The following HECTD3 variants were observed in gnomAD, a reference collection of about 807,000 sequenced individuals.
HECTD3 encodes E3 ubiquitin-protein ligase HECTD3.
A neutral mutation model predicts 109.3 loss-of-function variants in HECTD3; 72 were observed. That is an observed-to-expected ratio of 0.66 (90% CI 0.54 to 0.80). HECTD3 has a LOEUF of 0.80. Among genes scored for constraint, HECTD3 ranks in the 30% least tolerant of loss-of-function variants. The pLI, the probability that HECTD3 is intolerant of heterozygous loss-of-function variation, is 0.00. For synonymous variants in HECTD3, 481 were observed against 471.8 expected, an observed-to-expected ratio of 1.02 and a Z score of -0.25; for missense variants, 1,041 against 1,165.2, an observed-to-expected ratio of 0.89 and a Z score of 1.55.
chr1:45,007,057 G>A (rs1644741838), intron 11 of HECTD3, 42 bp from the exon 12 acceptor site: 1 of 1,608,308 alleles, frequency 6.2e-7, no homozygotes, highest in Non-Finnish European at 8.5e-7. Context: ...GTGGGGCCAG[G>A]TGCAGCACAA....
In HECTD3 at chr1:45,006,014, G is replaced by A. The variant is rs775383501; in HGVS notation, c.1828C>T (p.Arg610Trp). ...WIGQLMGAALRGKEFLVLALP... is the reference protein window; with the variant it reads ...WIGQLMGAALWGKEFLVLALP... The stretch of plus-strand genomic sequence containing the variant: ...CTACTCACCAGGAACTCCTTACCCC[G>A]AAGGGCAGCCCCCATCAGCTGTCCG... Residue 610 changes from arginine (R) to tryptophan (W), a missense_variant, in exon 14 of 21, where the codon CGG becomes TGG. Around this residue, in one of 2 missense-constraint regions of HECTD3, gnomAD observed 569 missense variants for 715.3 expected, o/e 0.80. Coordinates refer to ENST00000372172, the MANE Select transcript of HECTD3 (RefSeq NM_024602.6). This position sits in a 1 kb window ranked among gnomAD's most constrained non-coding sequence, Gnocchi z 4.7. 4 of 1,614,058 alleles carry A rather than the reference G, an allele frequency of 2.5e-6. No individual in the cohort carries two copies. The South Asian group carries it at 3.3e-5, about 13-fold the overall frequency.
rs1644704741 is a variant in HECTD3 at position 45,003,098 on chromosome 1, G to A, written c.*394C>T. 2 of 203,136 alleles carry A rather than the reference G, an allele frequency of 9.8e-6. No homozygotes were observed. The highest frequency in any genetic ancestry group is 1.9e-4 in the South Asian group (2 of 10,396). The allele number at this position is 203,136 out of a possible 1,614,324, so 12.6% of individuals were successfully genotyped here. On this transcript the variant is annotated 3_prime_UTR_variant, in exon 21 of 21. Coordinates refer to ENST00000372172, the MANE Select transcript of HECTD3 (RefSeq NM_024602.6). The surrounding 1 kb of genome is among the most constrained non-coding windows in gnomAD (Gnocchi z 4.7). ...CCTCCAGTGTTTTATGTTTTTAGTT[G>A]TGAGTCATGGCTGAAGAAAGCCAGA...
At chr1:45,010,860 T>C (rs758520526) in intron 1 of HECTD3, 29 bp downstream of exon 1, 9 of 1,507,948 alleles carry the variant, frequency 6.0e-6, no homozygotes, top group Non-Finnish European at 7.0e-6. Flanking sequence ...AGGGGTCTTT[T>C]ACCGGGTCCT....
At position 45,003,722 on chromosome 1, in the gene HECTD3, C is replaced by T. The variant is rs367834060; in HGVS notation, c.2448G>A (p.Ala816=). 1.9e-5 allele frequency: 30 copies of T among 1,613,862 alleles called. No individual in the cohort carries two copies. In the Middle Eastern group the frequency reaches 1.2e-3, roughly 62 times the overall value. The change falls in exon 20 of 21, where the codon GCG becomes GCA. Residue 816 remains alanine, a synonymous_variant. Transcript: ENST00000372172. The surrounding 1 kb of genome is among the most constrained non-coding windows in gnomAD (Gnocchi z 4.7). ...TGGAGCAAGTGGAAGACTCGGGCAG[C>T]GCGTCTGTGGTCTCGTAGCTGGGGG... ...PDKLGYETTD[A]LPESSTCSST... is the part of the protein sequence containing the mutation.
intron 9 of HECTD3, 58 bp downstream of exon 9, chr1:45,008,182 A>G: frequency 7.3e-7 from 1 of 1,366,740 alleles, no homozygotes; most frequent in Non-Finnish European, 1.0e-6. Context: ...TAAGGAATGA[A>G]CAACTACGTG....
chr1:45,007,001 T>A lies in HECTD3; in HGVS notation c.1571A>T (p.Tyr524Phe). 2 of 1,614,114 alleles carry A rather than the reference T, an allele frequency of 1.2e-6. No homozygotes were observed. Among genetic ancestry groups the A allele is most frequent in the Admixed American group, 1.7e-5 (1 of 60,024 alleles). The change falls in exon 12 of 21, where the codon TAT (tyrosine) becomes TTT (phenylalanine). Residue 524 changes from tyrosine to phenylalanine, a missense_variant. By Grantham distance (22) the Tyr-to-Phe change is conservative. Transcript: ENST00000372172. ...AAATTTACACTCCCACCACTGGTCATAGCGCATGGGCCACCTGCAAAAAAC... is the reference window on the plus strand; with the variant it reads ...AAATTTACACTCCCACCACTGGTCAAAGCGCATGGGCCACCTGCAAAAAAC... The part of the protein sequence containing the change: ...KPLDYRWPMR[Y>F]DQWWECKFIA...
At position 45,004,105 on chromosome 1, in the gene HECTD3, A is replaced by C. The variant is rs201781168; in HGVS notation, c.2302T>G (p.Ser768Ala). 157 of 1,613,930 alleles carry C rather than the reference A, an allele frequency of 9.7e-5. No individual in the cohort carries two copies. The highest frequency in any genetic ancestry group is 1.2e-4 in the Non-Finnish European group (144 of 1,180,022). Residue 768 changes from serine (S) to alanine (A), a missense_variant, in exon 18 of 21, where the codon TCG becomes GCG. By Grantham distance (99) the Ser-to-Ala change is moderately conservative. Coordinates refer to ENST00000372172, the MANE Select transcript of HECTD3 (RefSeq NM_024602.6). Reference protein sequence around the residue: ...TRFEDFEPSDSRVQYFWEALN... With the variant: ...TRFEDFEPSDARVQYFWEALN... ...GCCTCCCAGAAATACTGCACCCGCG[A>C]GTCAGATGGCTCGAAGTCCTCAAAC...
rs1270515057 is a variant in HECTD3, at chr1:45,006,103, C to T, written c.1739G>A (p.Gly580Asp). The part of the protein sequence containing the change: ...VRTANQGNGT[G>D]EARDMYVPNP... Reference sequence around the variant, plus strand: ...GGGTACATACATGTCCCGAGCCTCACCAGTGCCATTGCCCTGCCCCAGAGA... The same window carrying T: ...GGGTACATACATGTCCCGAGCCTCATCAGTGCCATTGCCCTGCCCCAGAGA... Residue 580 changes from glycine to aspartate, a missense_variant, in exon 14 of 21, where the codon GGT (glycine) becomes GAT (aspartate). Coordinates refer to ENST00000372172, the MANE Select transcript of HECTD3 (RefSeq NM_024602.6). This position sits in a 1 kb window ranked among gnomAD's most constrained non-coding sequence, Gnocchi z 4.7. The T allele has an allele frequency of 5.5e-5, 88 of 1,614,020 alleles. No homozygotes were observed. The highest frequency in any genetic ancestry group is 7.5e-5 in the Non-Finnish European group (88 of 1,179,872).
At chr1:45,005,959 A>T (rs1644731451) in intron 14 of HECTD3, 38 bp downstream of exon 14, 1 of 1,611,186 alleles carries the variant, frequency 6.2e-7, no homozygotes, top group Non-Finnish European at 8.5e-7. Context: ...TCCAAGGGCC[A>T]GGGCTGATCG....
intron 9 of HECTD3, among the ~76,000 whole-genome samples, chr1:45,007,866 C>G (rs1006776805): frequency 6.6e-6 from 1 of 151,904 alleles, no homozygotes; most frequent in African/African-American, 2.4e-5. Context: ...CCCACAGGGC[C>G]CTCTGCAACC....
chr1:45,010,001 G>A lies in HECTD3; in HGVS notation c.744C>T (p.Asp248=), dbSNP rs370192276. 60 of 1,540,124 alleles carry A rather than the reference G, an allele frequency of 3.9e-5. No homozygotes were observed. In the South Asian group the frequency reaches 4.0e-4, roughly 10 times the overall value. ...GSVKQYVESI[D]VSSYTEEFNV... Reference sequence around the variant, plus strand: ...CAGCACCCACCGTGTAGGAGGAAACGTCTATGCTCTCCACATACTGCTTCA... The same window carrying A: ...CAGCACCCACCGTGTAGGAGGAAACATCTATGCTCTCCACATACTGCTTCA... The change falls in exon 4 of 21, where the codon GAC becomes GAT. Residue 248 remains aspartate (D), a synonymous_variant. Coordinates refer to ENST00000372172, the MANE Select transcript of HECTD3 (RefSeq NM_024602.6).
Position 45,009,213 on chromosome 1 carries a change from C to A in HECTD3, c.1003G>T (p.Asp335Tyr). 1 of 1,613,846 alleles carries A rather than the reference C, an allele frequency of 6.2e-7. No homozygotes were observed. The highest frequency in any genetic ancestry group is 1.3e-5 in the African/African-American group (1 of 75,042). The change falls in exon 7 of 21, where the codon GAT (aspartate) becomes TAT (tyrosine). Residue 335 changes from aspartate (D) to tyrosine (Y), a missense_variant. By Grantham distance (160) the Asp-to-Tyr change is radical. Transcript: ENST00000372172. The part of the protein sequence containing the change: ...DVSIDETLIG[D>Y]VCVLEDMTVH... Reference sequence around the variant, plus strand: ...GTCATGTCCTCCAGGACACAGACATCCCCGATGAGGGTCCTGAGGAGATGA... The same window carrying A: ...GTCATGTCCTCCAGGACACAGACATACCCGATGAGGGTCCTGAGGAGATGA...
At position 45,004,397 on chromosome 1, in the gene HECTD3, G is replaced by T; in HGVS notation, c.2143-20C>A. 1 of 1,613,832 alleles carries T rather than the reference G, an allele frequency of 6.2e-7. No individual in the cohort carries two copies. The highest frequency in any genetic ancestry group is 1.1e-5 in the South Asian group (1 of 91,086). On this transcript the variant is annotated intron_variant, in intron 16 of 20. Coordinates refer to ENST00000372172, the MANE Select transcript of HECTD3 (RefSeq NM_024602.6). ...TGCCACCTGGGGAGTGGGTAAAAAG[G>T]CTTGGCTGGGGAAGAGGGCACACCT...
rs1018607418 is a variant in HECTD3, at chr1:45,005,424, G to A, written c.1935+370C>T. ...GACTTAAGAATATGGTGGCGAGGGA[G>A]AAGAAGGGGTGAAGGATGGCCCTGT... On this transcript the variant is annotated intron_variant, in intron 15 of 20. Coordinates refer to ENST00000372172, the MANE Select transcript of HECTD3 (RefSeq NM_024602.6). 1.4e-5 allele frequency: 3 copies of A among 220,484 alleles called. No homozygotes were observed. In the Admixed American group the frequency reaches 1.5e-4, roughly 11 times the overall value. 13.7% of individuals were successfully genotyped at this position (220,484 alleles called of 1,614,324 possible).
intron 7 of HECTD3, 59 bp downstream of exon 7, chr1:45,009,085 C>G (rs146832950): frequency 3.4e-4 from 442 of 1,313,168 alleles, no homozygotes; most frequent in Non-Finnish European, 4.5e-4. Context: ...CACACACTCT[C>G]TGTTTGCCCC....
At chr1:45,005,042 A>G (rs1644722372) in intron 15 of HECTD3, 1 of 584,728 alleles carries the variant, frequency 1.7e-6, no homozygotes, top group South Asian at 2.0e-5. Context: ...GACCCAAATG[A>G]TGGCTGGGAC....
Position 45,009,370 on chromosome 1 carries a change from C to T in HECTD3, c.988G>A (p.Glu330Lys), listed in dbSNP as rs942315888. 3.7e-6 allele frequency: 6 copies of T among 1,609,512 alleles called. No homozygotes were observed. In the Admixed American group the frequency reaches 5.0e-5, roughly 13 times the overall value. The change falls in exon 6 of 21, where the codon GAG becomes AAG. Residue 330 changes from glutamate (E) to lysine (K), a missense_variant and splice_region_variant. By Grantham distance (56) the Glu-to-Lys change is moderately conservative. Around this residue, in one of 2 missense-constraint regions of HECTD3, gnomAD observed 569 missense variants for 715.3 expected, o/e 0.80. Transcript: ENST00000372172. ...LKKLSDVSID[E>K]TLIGDVCVLE... ...CCCTCCCCAGGCCAGCGTGCTCACT[C>T]GTCAATGCTCACGTCACTCAGCTTC...
rs530891252 is a variant in HECTD3 at position 45,009,992 on chromosome 1, G to A, written c.753C>T (p.Ser251=). ...KQYVESIDVS[S]YTEEFNVSCL... is the part of the protein sequence containing the mutation. The stretch of plus-strand genomic sequence containing the variant: ...GAGGAGCCCCAGCACCCACCGTGTA[G>A]GAGGAAACGTCTATGCTCTCCACAT... Residue 251 remains serine, a synonymous_variant, in exon 4 of 21, where the codon TCC becomes TCT. Transcript: ENST00000372172. 1.7e-5 allele frequency: 26 copies of A among 1,531,726 alleles called. No individual in the cohort carries two copies. In the South Asian group the frequency reaches 2.9e-4, roughly 17 times the overall value. 94.9% of individuals were successfully genotyped at this position (1,531,726 alleles called of 1,614,324 possible).
In HECTD3 at chr1:45,003,384, G is replaced by GT; in HGVS notation, c.*107dup. 1 of 951,430 alleles carries GT rather than the reference G, an allele frequency of 1.1e-6. No homozygotes were observed. Among genetic ancestry groups the GT allele is most frequent in the Non-Finnish European group, 1.7e-6 (1 of 605,836 alleles). The allele number at this position is 951,430 out of a possible 1,614,324, so 58.9% of individuals were successfully genotyped here. ...TGCACACAGGAGCAGGGCACATGGG[G>GT]TTTTGCTGAGCACGTCAGCCAAACC... is the stretch of plus-strand genomic sequence containing the variant. On this transcript the variant is annotated 3_prime_UTR_variant, in exon 21 of 21. Coordinates refer to ENST00000372172, the MANE Select transcript of HECTD3 (RefSeq NM_024602.6). The surrounding 1 kb of genome is among the most constrained non-coding windows in gnomAD (Gnocchi z 4.7).
Sources: gnomAD v4.1 joint callset for allele counts (sites outside exome capture counted in the v4.1 genomes callset) on GRCh38, gnomAD v4.1.1 for gene constraint, gnomAD v4.1.1 regional missense constraint, Gnocchi (gnomAD v3.1) non-coding constraint, MANE v1.5 for transcripts, NCBI Gene and HGNC (gene_info 2026-07-23, HGNC 2026-07-21) for gene names.